ABTB3: variants seen among roughly 807,000 people sequenced by gnomAD.
ABTB3 encodes ankyrin repeat- and BTB/POZ domain-containing protein 3.
chr12:107,490,693 A>G, the ABTB3 span, among the ~76,000 whole-genome samples: 1 of 152,190 alleles, frequency 6.6e-6, no homozygotes, highest in Admixed American at 6.5e-5. Context: ...CAGTCCTGTG[A>G]CAGAGGCCAG....
chr12:107,407,531 CAAGACGGTGAACAGGCAAGGCCTCGTCAG>C, the ABTB3 span, among the ~76,000 whole-genome samples: 2 of 152,208 alleles, frequency 1.3e-5, no homozygotes, highest in African/African-American at 4.8e-5. Flanking sequence ...TGCAGAAGTG[CAAGACGGTGAACAGGCAAGGCCTCGTCAG>C]CCTTGAGCTG....
the ABTB3 span, among the ~76,000 whole-genome samples, chr12:107,340,737 A>G: frequency 6.6e-6 from 1 of 152,222 alleles, no homozygotes; most frequent in Admixed American, 6.5e-5. Flanking sequence ...GAACAAACAA[A>G]GAAACAAACA....
chr12:107,544,019 A>G, the ABTB3 span: 1 of 1,614,000 alleles, frequency 6.2e-7, no homozygotes, highest in Non-Finnish European at 8.5e-7. Context: ...CACCACAAGC[A>G]GGGGGCACTG....
the ABTB3 span, among the ~76,000 whole-genome samples, chr12:107,501,206 G>C: frequency 6.6e-6 from 1 of 152,176 alleles, no homozygotes; most frequent in African/African-American, 2.4e-5. Context: ...GCCATATAAA[G>C]TCTTAACTCT....
At chr12:107,618,448 C>A in the ABTB3 span, 1 of 1,242,890 alleles carries the variant, frequency 8.0e-7, no homozygotes, top group Non-Finnish European at 1.1e-6. Context: ...CACATGAACA[C>A]GCACATGCGC....
chr12:107,574,327 T>A, the ABTB3 span, among the ~76,000 whole-genome samples: 1 of 152,190 alleles, frequency 6.6e-6, no homozygotes, highest in African/African-American at 2.4e-5. Flanking sequence ...AAATTCACCT[T>A]CCCTGGTTTC....
chr12:107,416,538 A>ACC, the ABTB3 span, among the ~76,000 whole-genome samples: 20,170 of 151,672 alleles, frequency 0.13, 1,773 homozygotes, highest in Admixed American at 0.25. Flanking sequence ...AACCCCCATC[A>ACC]CCTCCCTGTC....
the ABTB3 span, among the ~76,000 whole-genome samples, chr12:107,506,138 CA>C: frequency 6.6e-6 from 1 of 152,230 alleles, no homozygotes; most frequent in African/African-American, 2.4e-5. Flanking sequence ...AACTAATTTA[CA>C]TTCCCACCAA....
the ABTB3 span, among the ~76,000 whole-genome samples, chr12:107,504,582 G>A: frequency 6.6e-6 from 1 of 152,218 alleles, no homozygotes; most frequent in Non-Finnish European, 1.5e-5. Context: ...ACGAAGGCTT[G>A]GTTGAACATG....
the ABTB3 span, among the ~76,000 whole-genome samples, chr12:107,370,757 ATTTT>A: frequency 6.9e-3 from 601 of 87,460 alleles, 9 homozygotes; most frequent in African/African-American, 0.024. Flanking sequence ...CAAAAAAGGG[ATTTT>A]TTTTTTTTTT....
the ABTB3 span, among the ~76,000 whole-genome samples, chr12:107,629,374 G>A: frequency 2.0e-5 from 3 of 152,114 alleles, no homozygotes; most frequent in Non-Finnish European, 4.4e-5. Context: ...AGTGAGCTGG[G>A]GTTGCACCAT....
chr12:107,546,881 A>T, the ABTB3 span, among the ~76,000 whole-genome samples: 1 of 152,154 alleles, frequency 6.6e-6, no homozygotes, highest in Non-Finnish European at 1.5e-5. Flanking sequence ...AATTTAAATT[A>T]AATTTAAAAA....
At chr12:107,458,796 CCA>C in the ABTB3 span, among the ~76,000 whole-genome samples, 1 of 152,164 alleles carries the variant, frequency 6.6e-6, no homozygotes. Flanking sequence ...CTGCTACTTC[CCA>C]CAGATGAGGC....
At chr12:107,340,752 C>G in the ABTB3 span, among the ~76,000 whole-genome samples, 1 of 152,132 alleles carries the variant, frequency 6.6e-6, no homozygotes, top group Admixed American at 6.5e-5. Context: ...CAAACAAACC[C>G]TCCTGGGAAA....
the ABTB3 span, among the ~76,000 whole-genome samples, chr12:107,523,145 C>T: frequency 2.6e-5 from 4 of 152,328 alleles, no homozygotes; most frequent in African/African-American, 7.2e-5. Flanking sequence ...AATGCAACTT[C>T]CACTTCTTCC....
chr12:107,485,199 A>G, the ABTB3 span, among the ~76,000 whole-genome samples: 8 of 152,282 alleles, frequency 5.3e-5, no homozygotes, highest in South Asian at 2.1e-4. Context: ...CTCAACCCCT[A>G]TGATTCCAAA....
the ABTB3 span, among the ~76,000 whole-genome samples, chr12:107,572,468 G>A: frequency 5.9e-5 from 9 of 152,226 alleles, no homozygotes; most frequent in South Asian, 1.9e-3. Flanking sequence ...AACGGGCACA[G>A]ACCCGGGAAT....
chr12:107,613,441 C>T, the ABTB3 span, among the ~76,000 whole-genome samples: 1 of 152,018 alleles, frequency 6.6e-6, no homozygotes, highest in African/African-American at 2.4e-5. Context: ...CCCCCAGAAA[C>T]CCTCCCCTCC....
At chr12:107,648,847 C>T in the ABTB3 span, among the ~76,000 whole-genome samples, 64 of 144,066 alleles carry the variant, frequency 4.4e-4, no homozygotes, top group South Asian at 0.012. Context: ...ATGACTGGGG[C>T]GGGAGGTGGG....
Sources: allele counts gnomAD v4.1 joint callset (sites outside exome capture counted in the v4.1 genomes callset), GRCh38; gene constraint gnomAD v4.1.1; transcripts MANE v1.5; gene names NCBI Gene and HGNC (gene_info 2026-07-23, HGNC 2026-07-21).